UBE2Q2: variants seen among roughly 807,000 people sequenced by gnomAD.
UBE2Q2 encodes ubiquitin conjugating enzyme E2 Q2, also known as ubiquitin-conjugating enzyme E2 Q2.
Under a neutral mutation model 59.9 loss-of-function variants are expected in UBE2Q2, and 54 were observed. The observed-to-expected ratio is 0.90, with a 90% confidence interval of 0.72 to 1.13. UBE2Q2 has a LOEUF of 1.13. Among genes scored for constraint, UBE2Q2 ranks in the 50% most tolerant of loss-of-function variants. UBE2Q2 has a pLI of 0.00. For synonymous variants in UBE2Q2, 165 were observed against 155.2 expected (o/e 1.06, Z -0.47); for missense variants, 433 against 441.9 (o/e 0.98, Z 0.18).
rs1899694414 is a variant in UBE2Q2 at position 75,900,468 on chromosome 15, C to G, written c.*1010C>G. The G allele has an allele frequency of 1.3e-5, 2 of 152,612 alleles. No individual in the cohort carries two copies. Among genetic ancestry groups the G allele is most frequent in the African/African-American group, 4.8e-5 (2 of 41,444 alleles). 9.5% of individuals were successfully genotyped at this position (152,612 alleles called of 1,614,324 possible). Reference sequence around the variant, plus strand: ...ACCTGACTCAAATCAAGGTACTCTCCATTTTATTGCCTTACCTGAATCAGT... The same window carrying G: ...ACCTGACTCAAATCAAGGTACTCTCGATTTTATTGCCTTACCTGAATCAGT... On this transcript the variant is annotated 3_prime_UTR_variant, in exon 13 of 13. Transcript: ENST00000267938.
chr15:75,893,190 A>C (rs965741700), intron 11 of UBE2Q2, among the ~76,000 whole-genome samples: 6 of 152,344 alleles, frequency 3.9e-5, no homozygotes, highest in Admixed American at 3.9e-4. Context: ...AGTTAGATTG[A>C]ATTAATAAAA....
intron 8 of UBE2Q2, among the ~76,000 whole-genome samples, chr15:75,880,910 A>T (rs1403388174): frequency 6.6e-6 from 1 of 152,210 alleles, no homozygotes. Flanking sequence ...CTTCTTACGT[A>T]GCTTTTTTAT....
At chr15:75,844,113 C>A (rs1595844158) in intron 1 of UBE2Q2, 2 of 1,415,762 alleles carry the variant, frequency 1.4e-6, no homozygotes, top group Non-Finnish European at 1.8e-6. Flanking sequence ...CGTCTCCTAG[C>A]CCCGAGGGGG....
At chr15:75,853,022 C>G (rs952171285) in intron 1 of UBE2Q2, among the ~76,000 whole-genome samples, 4 of 152,156 alleles carry the variant, frequency 2.6e-5, no homozygotes, top group Admixed American at 2.0e-4. Context: ...TGACTTGAAC[C>G]TAGTTGTTCT....
chr15:75,859,521 TA>T (rs1253213556), intron 2 of UBE2Q2, among the ~76,000 whole-genome samples: 1 of 152,228 alleles, frequency 6.6e-6, no homozygotes, highest in East Asian at 1.9e-4. Flanking sequence ...TTTTTGTTTT[TA>T]TTTTTTTGGT....
intron 2 of UBE2Q2, among the ~76,000 whole-genome samples, chr15:75,858,322 C>T (rs534977048): frequency 1.3e-5 from 2 of 152,082 alleles, no homozygotes; most frequent in Non-Finnish European, 2.9e-5. Flanking sequence ...TTTAAATTTG[C>T]GTTTACCCAC....
At chr15:75,847,632 A>G (rs1896422710) in intron 1 of UBE2Q2, among the ~76,000 whole-genome samples, 1 of 152,194 alleles carries the variant, frequency 6.6e-6, no homozygotes, top group South Asian at 2.1e-4. Context: ...AGTTGTTACA[A>G]TCACACCGAA....
chr15:75,845,356 G>C (rs1332045286), intron 1 of UBE2Q2, among the ~76,000 whole-genome samples: 1 of 152,176 alleles, frequency 6.6e-6, no homozygotes, highest in African/African-American at 2.4e-5. Context: ...GCTAAGACTT[G>C]AGAAGCCCAC....
chr15:75,865,464 G>A (rs1262273443), intron 3 of UBE2Q2, among the ~76,000 whole-genome samples: 2 of 152,270 alleles, frequency 1.3e-5, no homozygotes, highest in African/African-American at 2.4e-5. Context: ...TAGGAACAGC[G>A]AATGCTGCTG....
chr15:75,843,977 C>G (rs1348974195), intron 1 of UBE2Q2, 131 bp downstream of exon 1: 1 of 1,403,834 alleles, frequency 7.1e-7, no homozygotes, highest in African/African-American at 1.5e-5. Context: ...GCCCCTTTCC[C>G]CCGCGACTTG....
intron 8 of UBE2Q2, among the ~76,000 whole-genome samples, chr15:75,882,221 T>C (rs1898471817): frequency 6.6e-6 from 1 of 152,190 alleles, no homozygotes; most frequent in African/African-American, 2.4e-5. Context: ...ATGGCTAAGA[T>C]GTTAAGATCT....
chr15:75,883,453 A>G (rs753588931), intron 9 of UBE2Q2, 29 bp downstream of exon 9: 1 of 1,590,498 alleles, frequency 6.3e-7, no homozygotes, highest in Non-Finnish European at 8.6e-7. Context: ...TTAAAAAGAA[A>G]TTTTTTTCAG....
chr15:75,890,779 T>C, intron 10 of UBE2Q2, 140 bp from the exon 11 acceptor site: 1 of 748,590 alleles, frequency 1.3e-6, no homozygotes, highest in Middle Eastern at 2.8e-4. Context: ...CTGGAAATGT[T>C]CCAATTTTAC....
At chr15:75,881,258 G>GT (rs1898407564) in intron 8 of UBE2Q2, among the ~76,000 whole-genome samples, 1 of 150,566 alleles carries the variant, frequency 6.6e-6, no homozygotes, top group Non-Finnish European at 1.5e-5. Flanking sequence ...ATCCGTCCCT[G>GT]TGGCCCCCTG....
At position 75,852,048 on chromosome 15, in the gene UBE2Q2, A is replaced by T. The variant is rs567685798; in HGVS notation, c.181-2338A>T. Among the ~76,000 whole-genome samples, 875 of 150,232 alleles carry T rather than the reference A, an allele frequency of 5.8e-3. 9 individuals are homozygous for T. The highest frequency in any genetic ancestry group is 0.02 in the African/African-American group (830 of 40,884). ...ACCACCATGCTTAGCTAATTTTTTT[A>T]TTTTTTTTTGTAGAGATGGGGTTTC... On this transcript the variant is annotated intron_variant, in intron 1 of 12. Coordinates refer to ENST00000267938, the MANE Select transcript of UBE2Q2 (RefSeq NM_173469.4).
At chr15:75,899,105 CA>C (rs34292081) in intron 12 of UBE2Q2, among the ~76,000 whole-genome samples, 70,212 of 110,900 alleles carry the variant, frequency 0.63, 21,751 homozygotes, top group South Asian at 0.83. Flanking sequence ...TACTAAATAC[CA>C]AAAAAAAAAA....
intron 9 of UBE2Q2, among the ~76,000 whole-genome samples, chr15:75,885,854 A>G (rs1330814012): frequency 6.6e-6 from 1 of 152,252 alleles, no homozygotes; most frequent in Admixed American, 6.5e-5. Flanking sequence ...TGGATCAGGC[A>G]GTAAAATTGC....
chr15:75,897,262 G>A (rs1016694785), intron 12 of UBE2Q2, among the ~76,000 whole-genome samples: 2 of 150,856 alleles, frequency 1.3e-5, no homozygotes, highest in African/African-American at 4.9e-5. Context: ...TTTTTGAGAC[G>A]GAGTCTCGCT....
At chr15:75,874,880 G>T (rs1897990829) in intron 5 of UBE2Q2, among the ~76,000 whole-genome samples, 2 of 152,124 alleles carry the variant, frequency 1.3e-5, no homozygotes. Flanking sequence ...TTGGGCACAG[G>T]TTCCCCAAAA....
Sources: allele counts gnomAD v4.1 joint callset (sites outside exome capture counted in the v4.1 genomes callset), GRCh38; gene constraint gnomAD v4.1.1; transcripts MANE v1.5; gene names NCBI Gene and HGNC (gene_info 2026-07-23, HGNC 2026-07-21).